The following GLIS3 variants were observed in gnomAD, a reference collection of about 807,000 sequenced individuals.
GLIS3 encodes the protein GLIS family zinc finger 3, also known as zinc finger protein GLIS3.
Under a neutral mutation model 78.6 loss-of-function variants are expected in GLIS3, and 53 were observed. That is an observed-to-expected ratio of 0.67 (90% confidence interval 0.54 to 0.85). The LOEUF (loss-of-function observed/expected upper bound fraction) is 0.85, where lower values mean the gene tolerates loss of function less well. Among genes scored for constraint, GLIS3 ranks in the 40% least tolerant of loss-of-function variants. The probability of loss-of-function intolerance (pLI) is 0.00; values close to 1 mark genes in which losing one functional copy is unlikely to be tolerated. For synonymous variants in GLIS3, 684 were observed against 509.9 expected (o/e 1.34, Z -4.60); for missense variants, 1,703 against 1,231.1 (o/e 1.38, Z -5.74).
chr9:4,232,138 G>T (rs1464758484), intron 2 of GLIS3, among the ~76,000 whole-genome samples: 5 of 152,122 alleles, frequency 3.3e-5, no homozygotes, highest in Non-Finnish European at 5.9e-5. Flanking sequence ...AGCACTTTGG[G>T]AGGCTGAAGT....
In GLIS3 at chr9:3,989,181, T is replaced by G. The variant is rs557504809; in HGVS notation, c.1711-51992A>C. Among the ~76,000 whole-genome samples, 27 of 152,176 alleles carry G rather than the reference T, an allele frequency of 1.8e-4. 1 individual carries two copies. The South Asian group carries it at 5.6e-3, about 32-fold the overall frequency. On this transcript the variant is annotated intron_variant, in intron 4 of 10. Transcript: ENST00000381971. ...TCACTAATCATCAGGGGAAGGCAAA[T>G]TAAAACTACAATGAAATATTACTAC...
At chr9:4,085,426 C>T (rs1044310488) in intron 4 of GLIS3, among the ~76,000 whole-genome samples, 4 of 152,160 alleles carry the variant, frequency 2.6e-5, no homozygotes, top group Non-Finnish European at 4.4e-5. Flanking sequence ...TGTAGTATCT[C>T]TCAGACCTCA....
At chr9:3,908,356 T>C (rs533869061) in intron 6 of GLIS3, among the ~76,000 whole-genome samples, 1 of 152,194 alleles carries the variant, frequency 6.6e-6, no homozygotes, top group African/African-American at 2.4e-5. Flanking sequence ...ATCCTTTTAT[T>C]CTTACACCTG....
chr9:4,031,460 T>C (rs1468177655), intron 4 of GLIS3, among the ~76,000 whole-genome samples: 4 of 152,248 alleles, frequency 2.6e-5, no homozygotes, highest in African/African-American at 9.6e-5. Flanking sequence ...AAAAAGCAGA[T>C]TAGTAGTTGC....
the GLIS3 span, among the ~76,000 whole-genome samples, chr9:4,356,880 C>A: frequency 2.0e-5 from 3 of 152,170 alleles, no homozygotes; most frequent in Non-Finnish European, 4.4e-5. Flanking sequence ...TTAAATTGGA[C>A]TTTCAGGCAA....
At chr9:4,285,954 T>C in intron 2 of GLIS3, 84 bp downstream of exon 2, 3 of 1,497,324 alleles carry the variant, frequency 2.0e-6, no homozygotes, top group Non-Finnish European at 2.8e-6. Context: ...CATGTATTTT[T>C]CCATAGGATT....
At position 4,125,633 on chromosome 9, in the gene GLIS3, AGTGT is replaced by A. The variant is rs71497518; in HGVS notation, c.596+97_596+100del. On this transcript the variant is annotated intron_variant, in intron 3 of 10. Transcript: ENST00000381971. ...AGTTGCTTGAGTGTGTAAGTGTATG[AGTGT>A]GTGTGTGTGTGTGTGTGTATTCAGA... 0.27 allele frequency: 205,768 copies of A among 770,992 alleles called. 22,648 individuals are homozygous for A. Among genetic ancestry groups the A allele is most frequent in the East Asian group, 0.55 (21,540 of 39,350 alleles). 47.8% of individuals were successfully genotyped at this position (770,992 alleles called of 1,614,324 possible). A position where few individuals can be genotyped will look rare whatever the true frequency, so the allele number is the denominator to read the frequency against.
At chr9:4,407,379 C>T in the GLIS3 span, among the ~76,000 whole-genome samples, 3 of 152,272 alleles carry the variant, frequency 2.0e-5, no homozygotes, top group Non-Finnish European at 4.4e-5. Flanking sequence ...GGCAAGGTGG[C>T]TCACACCTGT....
chr9:3,860,324 A>T (rs1316553456), intron 8 of GLIS3, among the ~76,000 whole-genome samples: 1 of 146,052 alleles, frequency 6.8e-6, no homozygotes, highest in African/African-American at 2.5e-5. Context: ...ATGAGGAAAC[A>T]TTTAAAACAT....
chr9:4,161,421 C>T lies in GLIS3; in HGVS notation c.389-35480G>A, dbSNP rs561761396. Among the ~76,000 whole-genome samples, 6 of 152,284 alleles carry T rather than the reference C, an allele frequency of 3.9e-5. No homozygotes were observed. In the East Asian group the frequency reaches 9.6e-4, roughly 24 times the overall value. ...TAAGAATAAAAAGAATGTTTATACACATGGGGAAGAGGAGCCCCATGACAA... is the reference window on the plus strand; with the variant it reads ...TAAGAATAAAAAGAATGTTTATACATATGGGGAAGAGGAGCCCCATGACAA... On this transcript the variant is annotated intron_variant, in intron 2 of 10. Transcript: ENST00000381971.
the GLIS3 span, among the ~76,000 whole-genome samples, chr9:4,435,398 G>A: frequency 1.8e-3 from 277 of 152,310 alleles, 2 homozygotes; most frequent in Middle Eastern, 0.017. Flanking sequence ...GTTTCCGGGA[G>A]CTTAGCAGAT....
chr9:4,368,900 C>G, the GLIS3 span, among the ~76,000 whole-genome samples: 82 of 152,160 alleles, frequency 5.4e-4, no homozygotes, highest in African/African-American at 1.7e-3. Flanking sequence ...TATTAAAAGA[C>G]CTCTTCAAAG....
At chr9:3,844,199 C>T (rs1388829870) in intron 9 of GLIS3, among the ~76,000 whole-genome samples, 1 of 152,180 alleles carries the variant, frequency 6.6e-6, no homozygotes. Context: ...AGAGAGTGGC[C>T]TCGCTACCAG....
chr9:4,278,985 G>C (rs1343518045), intron 2 of GLIS3, among the ~76,000 whole-genome samples: 2 of 152,106 alleles, frequency 1.3e-5, no homozygotes, highest in East Asian at 1.9e-4. Flanking sequence ...TGTGGAACAA[G>C]ACAACTCACC....
chr9:4,074,036 T>C (rs1370454328), intron 4 of GLIS3, among the ~76,000 whole-genome samples: 3 of 152,190 alleles, frequency 2.0e-5, no homozygotes, highest in African/African-American at 7.2e-5. Context: ...GTACAAGACA[T>C]GCACTCCAAG....
chr9:3,950,337 C>T (rs1816594000), intron 4 of GLIS3, among the ~76,000 whole-genome samples: 1 of 152,168 alleles, frequency 6.6e-6, no homozygotes, highest in African/African-American at 2.4e-5. Flanking sequence ...AATAATGTTC[C>T]TCTTCTGTGT....
intron 4 of GLIS3, among the ~76,000 whole-genome samples, chr9:3,956,019 CAG>C (rs1817077991): frequency 8.8e-6 from 1 of 114,116 alleles, no homozygotes; most frequent in Non-Finnish European, 1.7e-5. Context: ...TGACCTTCTC[CAG>C]ATTCAGCAAA....
chr9:4,047,533 T>C (rs919024565), intron 4 of GLIS3, among the ~76,000 whole-genome samples: 5 of 152,334 alleles, frequency 3.3e-5, no homozygotes, highest in Admixed American at 2.0e-4. Flanking sequence ...CCTTGTGACC[T>C]ACCCTTTCTG....
chr9:4,373,935 G>C, the GLIS3 span, among the ~76,000 whole-genome samples: 1 of 151,982 alleles, frequency 6.6e-6, no homozygotes, highest in African/African-American at 2.4e-5. Context: ...CACAGTGCTG[G>C]GATTACAGGT....
Sources: gnomAD v4.1 joint callset for allele counts (sites outside exome capture counted in the v4.1 genomes callset) on GRCh38, gnomAD v4.1.1 for gene constraint, MANE v1.5 for transcripts, NCBI Gene and HGNC (gene_info 2026-07-23, HGNC 2026-07-21) for gene names.